The following ACTN4 variants were observed in gnomAD, a reference collection of about 807,000 sequenced individuals.
The protein encoded by ACTN4 is actinin alpha 4.
In ACTN4, 18 loss-of-function variants were observed where a neutral mutation model predicts 114.2. The ratio of observed to expected loss-of-function variants is 0.16; its 90% CI spans 0.11 to 0.23. The LOEUF (loss-of-function observed/expected upper bound fraction) is 0.23, where lower values mean the gene tolerates loss of function less well. Among genes scored for constraint, ACTN4 ranks in the 10% least tolerant of loss-of-function variants. The pLI, the probability that ACTN4 is intolerant of heterozygous loss-of-function variation, is 1.00. For synonymous variants in ACTN4, 515 were observed against 506.3 expected (o/e 1.02, Z -0.23); for missense variants, 722 against 1,262.9 (o/e 0.57, Z 6.49).
At position 38,717,826 on chromosome 19, in the gene ACTN4, C is replaced by T; in HGVS notation, c.1144-101C>T. Reference sequence around the variant, plus strand: ...GCAAAGCATGACACAGACATGACCCCAGCCAAGTTCTGCCACCTTCCCATC... The same window carrying T: ...GCAAAGCATGACACAGACATGACCCTAGCCAAGTTCTGCCACCTTCCCATC... On this transcript the variant is annotated intron_variant, in intron 10 of 20. Transcript: ENST00000252699. The surrounding 1 kb of genome is among the most constrained non-coding windows in gnomAD (Gnocchi z 4.0). 6.7e-7 allele frequency: 1 copy of T among 1,491,744 alleles called. No homozygotes were observed. The highest frequency in any genetic ancestry group is 2.0e-5 in the Admixed American group (1 of 50,880). 92.4% of individuals were successfully genotyped at this position (1,491,744 alleles called of 1,614,324 possible).
chr19:38,722,828 T>G (rs1022074998), intron 12 of ACTN4, among the ~76,000 whole-genome samples: 1 of 152,058 alleles, frequency 6.6e-6, no homozygotes. Flanking sequence ...CAAAGCTATG[T>G]GAAACCCATT....
At chr19:38,680,373 G>T (rs1967526487) in intron 1 of ACTN4, among the ~76,000 whole-genome samples, 1 of 151,926 alleles carries the variant, frequency 6.6e-6, no homozygotes, top group Non-Finnish European at 1.5e-5. Context: ...TAGAGATGGG[G>T]TTTCACCATT....
At chr19:38,709,043 C>G (rs922312587) in intron 6 of ACTN4, among the ~76,000 whole-genome samples, 1 of 152,200 alleles carries the variant, frequency 6.6e-6, no homozygotes, top group Admixed American at 6.5e-5. Flanking sequence ...AGTGCTCTCT[C>G]AGGCCTGGCC....
intron 17 of ACTN4, 44 bp downstream of exon 17, chr19:38,725,947 G>C: frequency 3.1e-6 from 5 of 1,608,178 alleles, no homozygotes; most frequent in Non-Finnish European, 4.3e-6. Context: ...CAGCATGGCC[G>C]GCTTCCTCAC....
At chr19:38,652,899 A>G (rs1478243411) in intron 1 of ACTN4, among the ~76,000 whole-genome samples, 1 of 152,108 alleles carries the variant, frequency 6.6e-6, no homozygotes, top group Non-Finnish European at 1.5e-5. Flanking sequence ...CAGCCTGGCC[A>G]ACATGGTGAA....
At chr19:38,728,448 T>TCCCCCCCCCCCCCCCCCCCCCCCC in intron 19 of ACTN4, 2 of 730,350 alleles carry the variant, frequency 2.7e-6, no homozygotes, top group Non-Finnish European at 3.5e-6. Context: ...CTCCTCCTCC[T>TCCCCCCCCCCCCCCCCCCCCCCCC]CCCCCCCACC....
At chr19:38,673,488 C>CATATATACTT in intron 1 of ACTN4, among the ~76,000 whole-genome samples, 1 of 45,738 alleles carries the variant, frequency 2.2e-5, no homozygotes, top group Non-Finnish European at 5.4e-5. Flanking sequence ...TATATATATT[C>CATATATACTT]ATATATATTT....
chr19:38,726,011 ACT>A (rs1969221042), intron 17 of ACTN4, 108 bp downstream of exon 17: 2 of 1,451,262 alleles, frequency 1.4e-6, no homozygotes, highest in Non-Finnish European at 1.9e-6. Flanking sequence ...GTTGTTTTTC[ACT>A]CTGTTTAAAA....
rs1308837734 is a variant in ACTN4 at position 38,717,050 on chromosome 19, C to A, written c.913-36C>A. The A allele has an allele frequency of 6.3e-7, 1 of 1,591,332 alleles. No homozygotes were observed. The highest frequency in any genetic ancestry group is 1.8e-5 in the Admixed American group (1 of 56,660). ...GCAGCCCGTCAGCACTCTGAGGGTC[C>A]CCCACAAAGGCCACGCTGGCTTCTG... On this transcript the variant is annotated intron_variant, in intron 9 of 20. Transcript: ENST00000252699. This position sits in a 1 kb window ranked among gnomAD's most constrained non-coding sequence, Gnocchi z 4.0.
intron 1 of ACTN4, among the ~76,000 whole-genome samples, chr19:38,677,658 G>A (rs1007587466): frequency 2.6e-5 from 4 of 151,994 alleles, no homozygotes; most frequent in Non-Finnish European, 4.4e-5. Context: ...GACACTTCTA[G>A]GCCCAGTGTT....
intron 1 of ACTN4, among the ~76,000 whole-genome samples, chr19:38,691,140 G>C (rs563993423): frequency 4.5e-4 from 69 of 152,320 alleles, no homozygotes; most frequent in African/African-American, 1.6e-3. Flanking sequence ...GTGAGGCCGG[G>C]TGTGTTGGCT....
chr19:38,727,220 A>C lies in ACTN4; in HGVS notation c.2337+117A>C. ...TCACAGTTGCTGAGCGTCGGCCGCC[A>C]CTCCCAGGGCCAGCAGGGCCCTGCC... On this transcript the variant is annotated intron_variant, in intron 18 of 20. Coordinates refer to ENST00000252699, the MANE Select transcript of ACTN4 (RefSeq NM_004924.6). This position sits in a 1 kb window ranked among gnomAD's most constrained non-coding sequence, Gnocchi z 5.4. 1 of 1,491,360 alleles carries C rather than the reference A, an allele frequency of 6.7e-7. No homozygotes were observed. The highest frequency in any genetic ancestry group is 9.1e-7 in the Non-Finnish European group (1 of 1,093,842). The allele number at this position is 1,491,360 out of a possible 1,614,324, so 92.4% of individuals were successfully genotyped here. A position where few individuals can be genotyped will look rare whatever the true frequency, so the allele number is the denominator to read the frequency against.
intron 7 of ACTN4, 87 bp from the exon 8 acceptor site, chr19:38,710,165 GGCCGT>G: frequency 3.7e-6 from 5 of 1,360,144 alleles, no homozygotes; most frequent in Non-Finnish European, 5.2e-6. Flanking sequence ...TCTCCCCCAA[GGCCGT>G]GGCCTTGGGA....
intron 1 of ACTN4, among the ~76,000 whole-genome samples, chr19:38,671,654 G>A (rs1338571873): frequency 1.3e-5 from 2 of 152,126 alleles, no homozygotes; most frequent in Non-Finnish European, 2.9e-5. Flanking sequence ...TTGTTGACTT[G>A]GAAACAAATT....
intron 11 of ACTN4, among the ~76,000 whole-genome samples, chr19:38,721,170 G>C (rs1969027131): frequency 6.6e-6 from 1 of 152,170 alleles, no homozygotes; most frequent in East Asian, 1.9e-4. Flanking sequence ...TTGACCCCGG[G>C]TGCTTCTCCG....
In ACTN4 at chr19:38,655,043, T is replaced by TC. The variant is rs1407332293; in HGVS notation, c.162+7141dup. On this transcript the variant is annotated intron_variant, in intron 1 of 20. Transcript: ENST00000252699. The stretch of plus-strand genomic sequence containing the variant: ...GAGTGAGGCTCCCCAGCCAGAGCAG[T>TC]CCCCCTGTGCTTATCCCCTTCCTTC... Among the ~76,000 whole-genome samples the TC allele has an allele frequency of 2.0e-5, 3 of 152,230 alleles. No individual in the cohort carries two copies. The East Asian group carries it at 5.8e-4, about 29-fold the overall frequency.
At chr19:38,652,105 T>TA (rs1242012725) in intron 1 of ACTN4, among the ~76,000 whole-genome samples, 1 of 152,148 alleles carries the variant, frequency 6.6e-6, no homozygotes, top group African/African-American at 2.4e-5. Flanking sequence ...AGCCATCTGT[T>TA]ACTTTGTTCC....
intron 1 of ACTN4, chr19:38,693,381 C>G (rs1967993210): frequency 6.5e-6 from 1 of 152,782 alleles, no homozygotes; most frequent in Non-Finnish European, 1.5e-5. Flanking sequence ...CCATTTCCCT[C>G]CACCCCCTTC....
intron 1 of ACTN4, among the ~76,000 whole-genome samples, chr19:38,687,905 A>G (rs1178604668): frequency 6.6e-6 from 1 of 152,260 alleles, no homozygotes; most frequent in Non-Finnish European, 1.5e-5. Flanking sequence ...AAGGACTCTT[A>G]AATTCAACAG....
Sources: allele counts gnomAD v4.1 joint callset (sites outside exome capture counted in the v4.1 genomes callset), GRCh38; gene constraint gnomAD v4.1.1; non-coding constraint Gnocchi (gnomAD v3.1); transcripts MANE v1.5; gene names NCBI Gene and HGNC (gene_info 2026-07-23, HGNC 2026-07-21).